The following EPS15L1 variants were observed in gnomAD, a reference collection of about 807,000 sequenced individuals.
EPS15L1 encodes epidermal growth factor receptor pathway substrate 15 like 1, also known as epidermal growth factor receptor substrate 15-like 1.
EPS15L1 carries 43 observed loss-of-function variants against 117.1 expected under a neutral mutation model. The ratio of observed to expected loss-of-function variants is 0.37; its 90% CI spans 0.29 to 0.47. The LOEUF is 0.47. EPS15L1 is among the 20% of genes least tolerant of loss of function. The probability of loss-of-function intolerance (pLI) is 0.99; values close to 1 mark genes in which losing one functional copy is unlikely to be tolerated. For synonymous variants in EPS15L1, 459 were observed against 470.5 expected (o/e 0.98, Z 0.32); for missense variants, 981 against 1,164.0 (o/e 0.84, Z 2.29).
At position 16,371,947 on chromosome 19, in the gene EPS15L1, G is replaced by A. The variant is rs991282130; in HGVS notation, c.2380+5175C>T. Among the ~76,000 whole-genome samples the A allele has an allele frequency of 3.3e-5, 5 of 152,192 alleles. No homozygotes were observed. The highest frequency in any genetic ancestry group is 7.2e-5 in the African/African-American group (3 of 41,440). ...AACTGACAGGTTTCGGCAGCCTGCC[G>A]GGTCTGTGCTGCATCTGCCTGAAAG... On this transcript the variant is annotated intron_variant, in intron 22 of 23. Transcript: ENST00000455140. This position sits in a 1 kb window ranked among gnomAD's most constrained non-coding sequence, Gnocchi z 4.7.
At chr19:16,465,443 G>A (rs1328800688) in intron 1 of EPS15L1, among the ~76,000 whole-genome samples, 1 of 152,164 alleles carries the variant, frequency 6.6e-6, no homozygotes, top group African/African-American at 2.4e-5. Context: ...CAGCGCTTTG[G>A]AGGCAGAGGC....
intron 23 of EPS15L1, chr19:16,361,536 C>T (rs899242446): frequency 9.5e-5 from 116 of 1,216,472 alleles, no homozygotes; most frequent in Non-Finnish European, 1.2e-4. Flanking sequence ...GTCCCGCCTC[C>T]CTGCTGGAAG....
At chr19:16,455,287 T>A (rs961394079) in intron 1 of EPS15L1, among the ~76,000 whole-genome samples, 21 of 142,690 alleles carry the variant, frequency 1.5e-4, no homozygotes, top group African/African-American at 5.2e-4. Flanking sequence ...GTGGCTAATT[T>A]TTTTTTTCTT....
intron 16 of EPS15L1, chr19:16,401,289 T>A: frequency 2.0e-6 from 2 of 985,246 alleles, no homozygotes; most frequent in Non-Finnish European, 2.4e-6. Context: ...TCCCCATAAA[T>A]CCTTGGGACT....
At chr19:16,437,997 CT>C (rs2145053771) in intron 4 of EPS15L1, 132 bp from the exon 5 acceptor site, 1 of 670,216 alleles carries the variant, frequency 1.5e-6, no homozygotes, top group East Asian at 2.8e-5. Flanking sequence ...GCAAAAACCC[CT>C]TGGAGCGTTG....
chr19:16,382,665 C>T lies in EPS15L1; in HGVS notation c.2247+2464G>A, dbSNP rs574532348. ...GCAGAAGAGGGTGAAATAAGTTGGA[C>T]TCTTGTTTTTATTCTCAAATGCTCC... On this transcript the variant is annotated intron_variant, in intron 21 of 23. Transcript: ENST00000455140. 2.7e-5 allele frequency among the ~76,000 whole-genome samples: 4 copies of T among 150,408 alleles called. No homozygotes were observed. The South Asian group carries it at 8.4e-4, about 32-fold the overall frequency.
rs1233547083 is a variant in EPS15L1 at position 16,377,252 on chromosome 19, G to C, written c.2250C>G (p.Pro750=). The change falls in exon 22 of 24, where the codon CCC becomes CCG. Residue 750 remains proline (P), a splice_region_variant and synonymous_variant. Transcript: ENST00000455140. ...GFADFSQMSK[P]PPSGPFTSSL... ...AGGAGGTGAAAGGGCCAGAAGGTGG[G>C]GGCTGTAAGAGAGGACATGAAAGAG... The C allele has an allele frequency of 3.7e-6, 6 of 1,610,122 alleles. No homozygotes were observed. Among genetic ancestry groups the C allele is most frequent in the Non-Finnish European group, 5.1e-6 (6 of 1,178,910 alleles).
At chr19:16,434,554 C>A in intron 6 of EPS15L1, 64 bp from the exon 7 acceptor site, 1 of 1,549,752 alleles carries the variant, frequency 6.5e-7, no homozygotes, top group Non-Finnish European at 8.7e-7. Flanking sequence ...CCAGACCGAG[C>A]TCTGACCGAA....
chr19:16,449,580 A>AAAC (rs1001450190), intron 1 of EPS15L1, among the ~76,000 whole-genome samples: 2 of 151,602 alleles, frequency 1.3e-5, no homozygotes. Flanking sequence ...CAGTTTCTTA[A>AAAC]AACAACAACA....
At chr19:16,357,266 TAG>T (rs1410361403) in intron 23 of EPS15L1, 1 of 152,202 alleles carries the variant, frequency 6.6e-6, no homozygotes, top group Non-Finnish European at 1.5e-5. Context: ...GCTCACACTC[TAG>T]ACTTTTTCCC....
At chr19:16,380,687 G>T (rs1006576497) in intron 21 of EPS15L1, among the ~76,000 whole-genome samples, 2 of 152,232 alleles carry the variant, frequency 1.3e-5, no homozygotes, top group Non-Finnish European at 2.9e-5. Context: ...CAGTCACACC[G>T]ATGCGGTCGT....
intron 13 of EPS15L1, among the ~76,000 whole-genome samples, chr19:16,406,475 G>A (rs968882474): frequency 2.6e-5 from 4 of 152,234 alleles, no homozygotes; most frequent in Admixed American, 2.6e-4. Context: ...GAGAGCCTGA[G>A]GTAGCCCAAT....
At chr19:16,366,655 T>G (rs535409705) in intron 22 of EPS15L1, among the ~76,000 whole-genome samples, 2 of 152,224 alleles carry the variant, frequency 1.3e-5, no homozygotes, top group East Asian at 3.9e-4. Context: ...ACAACAACGG[T>G]TTTTTTCTCA....
chr19:16,448,565 C>T (rs1313651267), intron 1 of EPS15L1, among the ~76,000 whole-genome samples: 6 of 143,662 alleles, frequency 4.2e-5, no homozygotes, highest in African/African-American at 1.1e-4. Context: ...GGAGAAAGGC[C>T]GGGCGCGGTG....
At chr19:16,402,278 G>C (rs763762414) in intron 16 of EPS15L1, 43 bp downstream of exon 16, 1 of 1,546,132 alleles carries the variant, frequency 6.5e-7, no homozygotes, top group Non-Finnish European at 8.7e-7. Flanking sequence ...GTCACACCAG[G>C]GGACCAGAGC....
At chr19:16,377,510 C>A (rs57357644) in intron 21 of EPS15L1, among the ~76,000 whole-genome samples, 1 of 152,112 alleles carries the variant, frequency 6.6e-6, no homozygotes, top group Admixed American at 6.5e-5. Flanking sequence ...CATACCTCCA[C>A]GGGCTTCTAG....
intron 19 of EPS15L1, among the ~76,000 whole-genome samples, chr19:16,389,920 TAGAC>T (rs758252837): frequency 6.6e-6 from 1 of 151,894 alleles, no homozygotes; most frequent in Admixed American, 6.6e-5. Flanking sequence ...AAAAGGCCAA[TAGAC>T]AGAATTCAAA....
chr19:16,394,114 T>C lies in EPS15L1; in HGVS notation c.1916-113A>G, dbSNP rs2092513903. On this transcript the variant is annotated intron_variant, in intron 17 of 23. Transcript: ENST00000455140. ...CTTTCATTGCCTTCTACTCCTCCAGTGTAGGGAGAGAATGTTAGTTCCTTC... is the reference window on the plus strand; with the variant it reads ...CTTTCATTGCCTTCTACTCCTCCAGCGTAGGGAGAGAATGTTAGTTCCTTC... 6 of 895,652 alleles carry C rather than the reference T, an allele frequency of 6.7e-6. No individual in the cohort carries two copies. The East Asian group carries it at 1.2e-4, about 18-fold the overall frequency. The allele number at this position is 895,652 out of a possible 1,614,324, so 55.5% of individuals were successfully genotyped here.
At chr19:16,462,330 G>A (rs754884381) in intron 1 of EPS15L1, among the ~76,000 whole-genome samples, 17 of 152,234 alleles carry the variant, frequency 1.1e-4, no homozygotes, top group South Asian at 2.1e-4. Flanking sequence ...CTGGGGTCCC[G>A]TTGCCACCTG....
Sources: gnomAD v4.1 joint callset for allele counts (sites outside exome capture counted in the v4.1 genomes callset) on GRCh38, gnomAD v4.1.1 for gene constraint, Gnocchi (gnomAD v3.1) non-coding constraint, MANE v1.5 for transcripts, NCBI Gene and HGNC (gene_info 2026-07-23, HGNC 2026-07-21) for gene names.